The following GNPTAB variants were observed in gnomAD, a reference collection of about 807,000 sequenced individuals.
GNPTAB encodes the protein N-acetylglucosamine-1-phosphotransferase subunits alpha/beta.
A neutral mutation model predicts 136.6 loss-of-function variants in GNPTAB; 92 were observed. The observed-to-expected ratio is 0.67, with a 90% CI of 0.57 to 0.80. The LOEUF is 0.80. Ranked by LOEUF, GNPTAB falls within the 30% of genes least tolerant of loss-of-function variation. The pLI, the probability that GNPTAB is intolerant of heterozygous loss-of-function variation, is 0.00. For missense variants in GNPTAB, 1,343 were observed against 1,501.8 expected, an observed-to-expected ratio of 0.89 and a Z score of 1.75; for synonymous variants, 512 against 535.1, an observed-to-expected ratio of 0.96 and a Z score of 0.60.
intron 3 of GNPTAB, 33 bp downstream of exon 3, chr12:101,789,905 C>T: frequency 1.2e-6 from 2 of 1,603,820 alleles, no homozygotes; most frequent in South Asian, 1.1e-5. Context: ...CGCCACATTA[C>T]CCATCTGATG....
At chr12:101,759,701 GATGA>G (rs1233010651) in intron 16 of GNPTAB, among the ~76,000 whole-genome samples, 3 of 152,166 alleles carry the variant, frequency 2.0e-5, no homozygotes, top group Non-Finnish European at 4.4e-5. Context: ...TATTCCATGT[GATGA>G]ATATTTCCTT....
In GNPTAB at chr12:101,753,357, A is replaced by G. The variant is rs774048511; in HGVS notation, c.3602+15T>C. On this transcript the variant is annotated intron_variant, in intron 19 of 20. Coordinates refer to ENST00000299314, the MANE Select transcript of GNPTAB (RefSeq NM_024312.5). ...CTCACCCACACACATGCATATATAAAACATGAGAATTTACCATTCCTGCAG... is the reference window on the plus strand; with the variant it reads ...CTCACCCACACACATGCATATATAAGACATGAGAATTTACCATTCCTGCAG... 1.9e-6 allele frequency: 3 copies of G among 1,603,086 alleles called. No homozygotes were observed. In the East Asian group the frequency reaches 6.7e-5, roughly 36 times the overall value.
At position 101,819,158 on chromosome 12, in the gene GNPTAB, C is replaced by T. The variant is rs578178595; in HGVS notation, c.117+11401G>A. On this transcript the variant is annotated intron_variant, in intron 1 of 20. Transcript: ENST00000299314. ...TCCCAAGTATCTGGGATTACAGGTG[C>T]CCGCCACCACACTTGGCAAATTTTT... 1.2e-4 allele frequency among the ~76,000 whole-genome samples: 18 copies of T among 152,178 alleles called. No individual in the cohort carries two copies. The South Asian group carries it at 3.7e-3, about 32-fold the overall frequency.
intron 1 of GNPTAB, among the ~76,000 whole-genome samples, chr12:101,824,361 G>A (rs1870963002): frequency 7.6e-6 from 1 of 131,086 alleles, no homozygotes; most frequent in African/African-American, 2.9e-5. Flanking sequence ...GATTCCTGAT[G>A]ACATCATTTG....
intron 3 of GNPTAB, 148 bp downstream of exon 3, chr12:101,789,786 TTTTG>T: frequency 1.2e-6 from 1 of 833,980 alleles, no homozygotes; most frequent in South Asian, 1.4e-5. Flanking sequence ...GCCTGGCCTG[TTTTG>T]TTTTTTAAAA....
intron 19 of GNPTAB, 25 bp from the exon 20 acceptor site, chr12:101,749,216 A>G (rs758857968): frequency 3.0e-6 from 4 of 1,346,546 alleles, no homozygotes; most frequent in South Asian, 1.2e-5. Context: ...GAAAGCAACT[A>G]TGTACTTCTG....
chr12:101,775,135 G>C (rs891300940), intron 7 of GNPTAB, among the ~76,000 whole-genome samples: 1 of 152,180 alleles, frequency 6.6e-6, no homozygotes, highest in African/African-American at 2.4e-5. Context: ...TGGTCTAGAA[G>C]AACATGCAAA....
rs769033819 is a variant in GNPTAB, at chr12:101,764,415, C to T, written c.2502G>A (p.Lys834=). 5 of 1,613,160 alleles carry T rather than the reference C, an allele frequency of 3.1e-6. No homozygotes were observed. The African/African-American group carries it at 4.0e-5, about 13-fold the overall frequency. Reference sequence around the variant, plus strand: ...CCAGTGGAACAATCAGAGATGGGGGCTTTTCTTTTGTCACATTTCCGCCTA... The same window carrying T: ...CCAGTGGAACAATCAGAGATGGGGGTTTTTCTTTTGTCACATTTCCGCCTA... The part of the protein sequence containing the change: ...KTIGGNVTKE[K]PPSLIVPLES... The change falls in exon 13 of 21, where the codon AAG becomes AAA. Residue 834 remains lysine (K), a synonymous_variant. Transcript: ENST00000299314.
rs1164284886 is a variant in GNPTAB at position 101,796,328 on chromosome 12, C to G, written c.203+349G>C. ...CAATAAACTACAAGGTGGGATTACT[C>G]TCTGTGAATCAGATTTTTCACCCAC... On this transcript the variant is annotated intron_variant, in intron 2 of 20. Transcript: ENST00000299314. The G allele has an allele frequency of 4.3e-6, 3 of 699,500 alleles. No individual in the cohort carries two copies. The African/African-American group carries it at 5.2e-5, about 12-fold the overall frequency. 43.3% of individuals were successfully genotyped at this position (699,500 alleles called of 1,614,324 possible).
Position 101,747,058 on chromosome 12 carries a change from C to T in GNPTAB, c.*106G>A, listed in dbSNP as rs1478289810. 1 of 749,976 alleles carries T rather than the reference C, an allele frequency of 1.3e-6. No homozygotes were observed. The highest frequency in any genetic ancestry group is 1.7e-5 in the African/African-American group (1 of 58,026). The allele number at this position is 749,976 out of a possible 1,614,324, so 46.5% of individuals were successfully genotyped here. A position where few individuals can be genotyped will look rare whatever the true frequency, so the allele number is the denominator to read the frequency against. The stretch of plus-strand genomic sequence containing the variant: ...CAGCATGGTACTGGATATTTTCCTT[C>T]TTCGGGCCAAACTGCTAAGCATCAC... On this transcript the variant is annotated 3_prime_UTR_variant, in exon 21 of 21. Coordinates refer to ENST00000299314, the MANE Select transcript of GNPTAB (RefSeq NM_024312.5).
At chr12:101,818,550 G>A (rs1394765368) in intron 1 of GNPTAB, among the ~76,000 whole-genome samples, 1 of 151,842 alleles carries the variant, frequency 6.6e-6, no homozygotes, top group African/African-American at 2.4e-5. Flanking sequence ...ACTAATTTTT[G>A]TATTTTTAGT....
At chr12:101,824,443 T>A (rs1349192107) in intron 1 of GNPTAB, among the ~76,000 whole-genome samples, 1 of 134,042 alleles carries the variant, frequency 7.5e-6, no homozygotes, top group African/African-American at 2.8e-5. Flanking sequence ...TTTTCTTTTT[T>A]TTTTTTTTTT....
At chr12:101,817,767 C>T (rs906613416) in intron 1 of GNPTAB, among the ~76,000 whole-genome samples, 2 of 152,128 alleles carry the variant, frequency 1.3e-5, no homozygotes, top group African/African-American at 4.8e-5. Context: ...CAAGACCAGT[C>T]TGGGGAACAT....
intron 19 of GNPTAB, 101 bp from the exon 20 acceptor site, chr12:101,749,292 A>G (rs886404637): frequency 3.9e-6 from 3 of 768,682 alleles, no homozygotes; most frequent in African/African-American, 1.7e-5. Context: ...CAATGTTGGG[A>G]AACACAAAAA....
chr12:101,787,861 C>T (rs373569006), intron 4 of GNPTAB, among the ~76,000 whole-genome samples: 27 of 141,022 alleles, frequency 1.9e-4, no homozygotes, highest in Admixed American at 5.3e-4. Context: ...TGCGGTGAGC[C>T]GAGATCGCGC....
intron 2 of GNPTAB, chr12:101,796,121 A>G (rs1869267212): frequency 3.0e-6 from 2 of 665,398 alleles, no homozygotes; most frequent in Non-Finnish European, 2.7e-6. Flanking sequence ...AGTGGGGTTC[A>G]GCCCCAGTGG....
chr12:101,801,231 C>CAAAAAA lies in GNPTAB; in HGVS notation c.118-4475_118-4470dup, dbSNP rs35036983. ...TAGGTGACAGAACGAGACCCTGTCT[C>CAAAAAA]AAAAAAAAAAAAAAAAAAAAAAAAA... On this transcript the variant is annotated intron_variant, in intron 1 of 20. Coordinates refer to ENST00000299314, the MANE Select transcript of GNPTAB (RefSeq NM_024312.5). 5.7e-3 allele frequency among the ~76,000 whole-genome samples: 73 copies of CAAAAAA among 12,754 alleles called. 17 individuals carry two copies. Among genetic ancestry groups the CAAAAAA allele is most frequent in the African/African-American group, 0.016 (50 of 3,136 alleles). The allele number at this position is 12,754 out of a possible 152,430, so 8.4% of individuals were successfully genotyped here.
chr12:101,801,231 C>CAAAA (rs35036983), intron 1 of GNPTAB, among the ~76,000 whole-genome samples: 195 of 12,756 alleles, frequency 0.015, 69 homozygotes, highest in African/African-American at 0.06. Context: ...GACCCTGTCT[C>CAAAA]AAAAAAAAAA....
chr12:101,747,225 CG>C lies in GNPTAB; in HGVS notation c.3709del (p.Arg1237GlyfsTer47), dbSNP rs1952746765. The C allele has an allele frequency of 6.3e-7, 1 of 1,580,260 alleles. No homozygotes were observed. Among genetic ancestry groups the C allele is most frequent in the African/African-American group, 1.3e-5 (1 of 74,192 alleles). ...TATCCTCCTTCTGGGAAATATCTTCCGCTTAAGTGCAATTAACTAAATGATG... is the reference window on the plus strand; with the variant it reads ...TATCCTCCTTCTGGGAAATATCTTCCCTTAAGTGCAATTAACTAAATGATG... Reference protein sequence around the residue: ...FFAEQLIALKRKIFPRRRIHK... With the variant: ...FFAEQLIALKXKIFPRRRIHK... On this transcript the variant is annotated frameshift_variant, in exon 21 of 21. Transcript: ENST00000299314. LOFTEE classifies it high-confidence loss of function.
Sources: gnomAD v4.1 joint callset for allele counts (sites outside exome capture counted in the v4.1 genomes callset) on GRCh38, gnomAD v4.1.1 for gene constraint, MANE v1.5 for transcripts, NCBI Gene and HGNC (gene_info 2026-07-23, HGNC 2026-07-21) for gene names.